The following RANBP17 variants were observed in gnomAD, a reference collection of about 807,000 sequenced individuals.
RANBP17 encodes ran-binding protein 17.
A neutral mutation model predicts 141.2 loss-of-function variants in RANBP17; 158 were observed. That is an observed-to-expected ratio of 1.12 (90% confidence interval 0.98 to 1.28). The LOEUF (loss-of-function observed/expected upper bound fraction) is 1.28, where lower values mean the gene tolerates loss of function less well. Among genes scored for constraint, RANBP17 ranks in the 50% most tolerant of loss-of-function variants. RANBP17 has a pLI of 0.00. For missense variants in RANBP17, 1,438 were observed against 1,290.7 expected (o/e 1.11, Z -1.75); for synonymous variants, 430 against 450.0 (o/e 0.96, Z 0.56).
At chr5:171,036,594 T>C (rs565515280) in intron 14 of RANBP17, among the ~76,000 whole-genome samples, 1 of 152,272 alleles carries the variant, frequency 6.6e-6, no homozygotes, top group Admixed American at 6.5e-5. Flanking sequence ...TTTCAACCCT[T>C]TCTCCCTCTA....
intron 5 of RANBP17, among the ~76,000 whole-genome samples, chr5:170,905,424 G>A (rs188351139): frequency 6.6e-4 from 100 of 152,178 alleles, no homozygotes; most frequent in Non-Finnish European, 1.2e-3. Context: ...ACTCCCTTTG[G>A]AGTAACATTA....
intron 24 of RANBP17, chr5:171,252,052 C>G (rs1364995258): frequency 1.2e-6 from 2 of 1,604,344 alleles, no homozygotes. Context: ...GGAGAGCCTT[C>G]TTACATGCTT....
chr5:171,080,198 C>T (rs1219705597), intron 14 of RANBP17, among the ~76,000 whole-genome samples: 1 of 151,700 alleles, frequency 6.6e-6, no homozygotes, highest in Non-Finnish European at 1.5e-5. Context: ...TTGCTAATTA[C>T]TTGGGGCGAT....
At chr5:171,092,777 C>T (rs190055867) in intron 14 of RANBP17, among the ~76,000 whole-genome samples, 3 of 152,312 alleles carry the variant, frequency 2.0e-5, no homozygotes, top group Admixed American at 2.0e-4. Context: ...TTATTCACCC[C>T]ATAGTAATGA....
At chr5:171,248,920 C>T (rs558907627) in intron 24 of RANBP17, among the ~76,000 whole-genome samples, 13 of 152,260 alleles carry the variant, frequency 8.5e-5, no homozygotes, top group Admixed American at 2.0e-4. Flanking sequence ...CCCAGCCCAC[C>T]GCTGCTACTA....
At chr5:171,220,361 C>T (rs564473277) in intron 21 of RANBP17, among the ~76,000 whole-genome samples, 5 of 151,186 alleles carry the variant, frequency 3.3e-5, no homozygotes, top group South Asian at 2.1e-4. Flanking sequence ...GAGACCCACC[C>T]GCCTTCTGCA....
intron 14 of RANBP17, among the ~76,000 whole-genome samples, chr5:171,079,322 T>C (rs544625305): frequency 6.6e-6 from 1 of 152,342 alleles, no homozygotes; most frequent in East Asian, 1.9e-4. Context: ...TATCTTGAGA[T>C]GGAATCTACT....
At position 171,265,745 on chromosome 5, in the gene RANBP17, CA is replaced by C; in HGVS notation, c.2842del (p.Ile948Ter). The C allele has an allele frequency of 6.2e-7, 1 of 1,614,058 alleles. No individual in the cohort carries two copies. Among genetic ancestry groups the C allele is most frequent in the Non-Finnish European group, 8.5e-7 (1 of 1,179,918 alleles). On this transcript the variant is annotated frameshift_variant, in exon 25 of 28. Coordinates refer to ENST00000523189, the MANE Select transcript of RANBP17 (RefSeq NM_022897.5). LOFTEE classifies it high-confidence loss of function. ...DYIVTYLFKH[I>X]AKEGKKPLRC... is the part of the protein sequence containing the mutation. The stretch of plus-strand genomic sequence containing the variant: ...ACATCGTCACCTACCTCTTCAAGCA[CA>C]TAGCAAAAGAGGGCAAGAAGCCACT...
intron 14 of RANBP17, among the ~76,000 whole-genome samples, chr5:171,100,333 T>G (rs568354540): frequency 3.0e-4 from 46 of 152,270 alleles, no homozygotes; most frequent in African/African-American, 1.0e-3. Context: ...TCTTGGGAAG[T>G]TGTATGTGTC....
chr5:171,025,038 T>G (rs1374586743), intron 14 of RANBP17, among the ~76,000 whole-genome samples: 2 of 152,234 alleles, frequency 1.3e-5, no homozygotes, highest in African/African-American at 2.4e-5. Flanking sequence ...ATCTATTGCT[T>G]ATGTCAGTAC....
chr5:171,275,885 TGAA>T (rs1274054022), intron 25 of RANBP17, among the ~76,000 whole-genome samples: 1 of 152,058 alleles, frequency 6.6e-6, no homozygotes, highest in African/African-American at 2.4e-5. Flanking sequence ...TTTGGAACGC[TGAA>T]GAAGGAGTGG....
intron 7 of RANBP17, among the ~76,000 whole-genome samples, chr5:170,911,920 T>C (rs922561241): frequency 7.9e-5 from 12 of 151,936 alleles, no homozygotes; most frequent in African/African-American, 2.9e-4. Flanking sequence ...AAAAAGTCTG[T>C]ACTCTGAACA....
chr5:171,067,562 G>C (rs76031335), intron 14 of RANBP17, among the ~76,000 whole-genome samples: 4,084 of 152,148 alleles, frequency 0.027, 180 homozygotes, highest in African/African-American at 0.092. Flanking sequence ...AATGGGGCTA[G>C]TCTGTTAGTA....
In RANBP17 at chr5:171,273,894, G is replaced by T. The variant is rs1033545523; in HGVS notation, c.2943+8047G>T. Among the ~76,000 whole-genome samples, 4 of 151,936 alleles carry T rather than the reference G, an allele frequency of 2.6e-5. No homozygotes were observed. The East Asian group carries it at 7.7e-4, about 29-fold the overall frequency. The stretch of plus-strand genomic sequence containing the variant: ...ATTTTACTTAATCTGGGGCTTTGGG[G>T]GTTATTTCTTAATTTATTTTGCTCT... On this transcript the variant is annotated intron_variant, in intron 25 of 27. Transcript: ENST00000523189.
At chr5:170,904,757 T>C (rs1251867839) in intron 5 of RANBP17, among the ~76,000 whole-genome samples, 1 of 152,170 alleles carries the variant, frequency 6.6e-6, no homozygotes, top group African/African-American at 2.4e-5. Flanking sequence ...ATTTAGGCAT[T>C]TATACACTGA....
At chr5:170,908,394 G>A (rs1393726235) in intron 5 of RANBP17, among the ~76,000 whole-genome samples, 1 of 151,702 alleles carries the variant, frequency 6.6e-6, no homozygotes, top group Non-Finnish European at 1.5e-5. Flanking sequence ...GCCCTTATCT[G>A]AAGCAAATTA....
intron 22 of RANBP17, among the ~76,000 whole-genome samples, chr5:171,237,076 A>C (rs1055587265): frequency 4.6e-5 from 7 of 152,112 alleles, no homozygotes; most frequent in Non-Finnish European, 8.8e-5. Flanking sequence ...AATAATTTTA[A>C]AAAAATACAC....
At chr5:171,053,345 T>C (rs951851807) in intron 14 of RANBP17, among the ~76,000 whole-genome samples, 1 of 152,178 alleles carries the variant, frequency 6.6e-6, no homozygotes, top group Non-Finnish European at 1.5e-5. Flanking sequence ...GCTTTTCAAC[T>C]CTTGCTCCCT....
At chr5:171,239,001 G>A in intron 22 of RANBP17, among the ~76,000 whole-genome samples, 1 of 152,098 alleles carries the variant, frequency 6.6e-6, no homozygotes, top group Admixed American at 6.6e-5. Flanking sequence ...CTCCCTCAGG[G>A]CAGAGATTTT....
Sources: allele counts gnomAD v4.1 joint callset (sites outside exome capture counted in the v4.1 genomes callset), GRCh38; gene constraint gnomAD v4.1.1; transcripts MANE v1.5; gene names NCBI Gene and HGNC (gene_info 2026-07-23, HGNC 2026-07-21).